Variants in ACOX2 observed in about 807,000 individuals in gnomAD.
The protein encoded by ACOX2 is acyl-CoA oxidase 2, also known as peroxisomal acyl-coenzyme A oxidase 2.
A neutral mutation model predicts 77.5 loss-of-function variants in ACOX2; 59 were observed. That is an observed-to-expected ratio of 0.76 (90% CI 0.62 to 0.95). The LOEUF is 0.95. Among genes scored for constraint, ACOX2 ranks in the 40% least tolerant of loss-of-function variants. The probability of loss-of-function intolerance (pLI) is 0.00; values close to 1 mark genes in which losing one functional copy is unlikely to be tolerated. For missense variants in ACOX2, 837 were observed against 880.4 expected, an observed-to-expected ratio of 0.95 and a Z score of 0.62; for synonymous variants, 317 against 340.1, an observed-to-expected ratio of 0.93 and a Z score of 0.75.
intron 12 of ACOX2, among the ~76,000 whole-genome samples, chr3:58,520,242 G>T (rs990894097): frequency 1.3e-5 from 2 of 152,236 alleles, no homozygotes; most frequent in Non-Finnish European, 2.9e-5. Context: ...AGAGACTGAG[G>T]CTCTGAAAGA....
At chr3:58,508,101 CAT>C (rs1314278403) in intron 14 of ACOX2, among the ~76,000 whole-genome samples, 1 of 152,202 alleles carries the variant, frequency 6.6e-6, no homozygotes, top group African/African-American at 2.4e-5. Context: ...ATTGGTTCCT[CAT>C]ATTCTAACTA....
chr3:58,509,070 A>G, intron 13 of ACOX2, 45 bp from the exon 14 acceptor site: 2 of 1,602,632 alleles, frequency 1.2e-6, no homozygotes, highest in Non-Finnish European at 1.7e-6. Flanking sequence ...GATTGCTCTT[A>G]TGAATCAAAC....
chr3:58,528,815 T>C lies in ACOX2; in HGVS notation c.1134A>G (p.Gln378=), dbSNP rs1178555225. Reference sequence around the variant, plus strand: ...GTACCTCAGGCAGGAAGCTGAAGTCTTGGTTCAGAATGGCAGTGTAGGAGT... The same window carrying C: ...GTACCTCAGGCAGGAAGCTGAAGTCCTGGTTCAGAATGGCAGTGTAGGAGT... The part of the protein sequence containing the change: ...FQHSYTAILN[Q]DFSFLPELHA... Residue 378 remains glutamine (Q), a synonymous_variant, in exon 9 of 15, where the codon CAA becomes CAG. Transcript: ENST00000302819. This position sits in a 1 kb window ranked among gnomAD's most constrained non-coding sequence, Gnocchi z 5.6. The C allele has an allele frequency of 6.2e-7, 1 of 1,610,840 alleles. No individual in the cohort carries two copies. The highest frequency in any genetic ancestry group is 1.1e-5 in the South Asian group (1 of 90,288).
At chr3:58,516,414 T>C (rs139903095) in intron 13 of ACOX2, among the ~76,000 whole-genome samples, 33 of 152,346 alleles carry the variant, frequency 2.2e-4, no homozygotes, top group African/African-American at 7.5e-4. Flanking sequence ...ACTGGGCAAC[T>C]CCCATCAGCC....
At chr3:58,517,022 T>C (rs914593593) in intron 13 of ACOX2, among the ~76,000 whole-genome samples, 184 bp downstream of exon 13, 15 of 152,214 alleles carry the variant, frequency 9.9e-5, no homozygotes, top group Non-Finnish European at 2.1e-4. Context: ...TCCCATTTTT[T>C]CCCATTTTTT....
Position 58,515,903 on chromosome 3 carries a change from G to A in ACOX2, c.1850+1303C>T, listed in dbSNP as rs150655615. ...ATCAATCCTCCTACCTCAGCCTCCC[G>A]AGTAGCTGAGACTACAGGTGTGTGC... On this transcript the variant is annotated intron_variant, in intron 13 of 14. Coordinates refer to ENST00000302819, the MANE Select transcript of ACOX2 (RefSeq NM_003500.4). The surrounding 1 kb of genome is among the most constrained non-coding windows in gnomAD (Gnocchi z 4.0). Among the ~76,000 whole-genome samples the A allele has an allele frequency of 1.9e-3, 285 of 151,462 alleles. 1 individual carries two copies. The highest frequency in any genetic ancestry group is 0.01 in the Middle Eastern group (3 of 290).
At chr3:58,517,921 A>C (rs2063333459) in intron 12 of ACOX2, among the ~76,000 whole-genome samples, 1 of 151,960 alleles carries the variant, frequency 6.6e-6, no homozygotes, top group Non-Finnish European at 1.5e-5. Flanking sequence ...CTAAAAATGC[A>C]AAAATTAGCC....
Position 58,528,757 on chromosome 3 carries a change from G to C in ACOX2, c.1155+37C>G. ...GAGTGGAACAATCTTAGCTCCCAGC[G>C]CCTGCCAGCGCCTGCCCCTCCGCAG... On this transcript the variant is annotated intron_variant, in intron 9 of 14. Coordinates refer to ENST00000302819, the MANE Select transcript of ACOX2 (RefSeq NM_003500.4). This position sits in a 1 kb window ranked among gnomAD's most constrained non-coding sequence, Gnocchi z 5.6. The C allele has an allele frequency of 6.4e-7, 1 of 1,570,434 alleles. No homozygotes were observed. Among genetic ancestry groups the C allele is most frequent in the Non-Finnish European group, 8.6e-7 (1 of 1,158,082 alleles).
intron 12 of ACOX2, among the ~76,000 whole-genome samples, chr3:58,518,444 G>T (rs2063337468): frequency 6.6e-6 from 1 of 152,168 alleles, no homozygotes; most frequent in Admixed American, 6.5e-5. Context: ...CTCAGCAGGA[G>T]GCCTTCAGGA....
intron 14 of ACOX2, among the ~76,000 whole-genome samples, chr3:58,508,297 G>A (rs1189880581): frequency 6.6e-6 from 1 of 152,116 alleles, no homozygotes; most frequent in Non-Finnish European, 1.5e-5. Flanking sequence ...GATGGCTGGG[G>A]ATTTTTTTGG....
chr3:58,506,087 A>T (rs1201894004), intron 14 of ACOX2, among the ~76,000 whole-genome samples: 5 of 152,160 alleles, frequency 3.3e-5, no homozygotes, highest in Admixed American at 6.5e-5. Flanking sequence ...CACTGCACTC[A>T]GTCTGGGTTT....
chr3:58,532,962 G>C (rs955765213), intron 5 of ACOX2, among the ~76,000 whole-genome samples: 2 of 152,182 alleles, frequency 1.3e-5, no homozygotes, highest in African/African-American at 4.8e-5. Flanking sequence ...GTACGGCGTT[G>C]GTGGCCTGAT....
chr3:58,531,704 G>A lies in ACOX2; in HGVS notation c.692C>T (p.Thr231Ile), dbSNP rs751976150. 18 of 1,614,106 alleles carry A rather than the reference G, an allele frequency of 1.1e-5. 1 individual carries two copies. The South Asian group carries it at 1.6e-4, about 15-fold the overall frequency. ...IVPIRSLQDH[T>I]PLPGIIIGDI... ...CATTATGGGCTTACCTGGCAGTGGG[G>A]TGTGGTCCTGAAGACTCCGGATTGG... is the stretch of plus-strand genomic sequence containing the variant. The change falls in exon 6 of 15, where the codon ACC becomes ATC. Residue 231 changes from threonine to isoleucine, a missense_variant. By Grantham distance (89) the Thr-to-Ile change is moderately conservative. Coordinates refer to ENST00000302819, the MANE Select transcript of ACOX2 (RefSeq NM_003500.4). This position sits in a 1 kb window ranked among gnomAD's most constrained non-coding sequence, Gnocchi z 5.8.
chr3:58,531,505 G>T lies in ACOX2; in HGVS notation c.704-139C>A. On this transcript the variant is annotated intron_variant, in intron 6 of 14. Transcript: ENST00000302819. The surrounding 1 kb of genome is among the most constrained non-coding windows in gnomAD (Gnocchi z 5.8). ...CTATTTTGCAGGTGAACAAGCTGAG[G>T]TCAGAAAGATGCTAAATCTTGCTCA... 1 of 1,231,852 alleles carries T rather than the reference G, an allele frequency of 8.1e-7. No homozygotes were observed. The highest frequency in any genetic ancestry group is 1.1e-6 in the Non-Finnish European group (1 of 881,648). 76.3% of individuals were successfully genotyped at this position (1,231,852 alleles called of 1,614,324 possible).
chr3:58,535,865 G>A lies in ACOX2; in HGVS notation c.-91-668C>T, dbSNP rs924856523. Among the ~76,000 whole-genome samples, 7 of 152,142 alleles carry A rather than the reference G, an allele frequency of 4.6e-5. No individual in the cohort carries two copies. The highest frequency in any genetic ancestry group is 1.7e-4 in the African/African-American group (7 of 41,428). On this transcript the variant is annotated intron_variant, in intron 1 of 14. Transcript: ENST00000302819. The surrounding 1 kb of genome is among the most constrained non-coding windows in gnomAD (Gnocchi z 4.8). ...TCCTCCACAGTGAGGCAACCATGAGGTGCAGTCCATCCTATTTCACAAGTC... is the reference window on the plus strand; with the variant it reads ...TCCTCCACAGTGAGGCAACCATGAGATGCAGTCCATCCTATTTCACAAGTC...
chr3:58,507,318 A>T (rs941218245), intron 14 of ACOX2, among the ~76,000 whole-genome samples: 2 of 152,242 alleles, frequency 1.3e-5, no homozygotes, highest in African/African-American at 2.4e-5. Flanking sequence ...GGAAGGAGAT[A>T]GAAGTGAATG....
At chr3:58,536,368 T>C (rs2063481278) in intron 1 of ACOX2, among the ~76,000 whole-genome samples, 1 of 152,218 alleles carries the variant, frequency 6.6e-6, no homozygotes, top group Non-Finnish European at 1.5e-5. Flanking sequence ...CCTTCCTTCC[T>C]GACCTCAACC....
In ACOX2 at chr3:58,526,634, A is replaced by G; in HGVS notation, c.1178T>C (p.Met393Thr). ...LPELHALSTG[M>T]KAMMSEFCTQ... The stretch of plus-strand genomic sequence containing the variant: ...GCAGAATTCTGACATCATGGCCTTC[A>G]TGCCCGTGCTCAGTGCGTGGAGCTG... The change falls in exon 10 of 15, where the codon ATG (methionine) becomes ACG (threonine). Residue 393 changes from methionine (M) to threonine (T), a missense_variant. Physicochemically the swap from Met to Thr is moderately conservative, Grantham distance 81. Transcript: ENST00000302819. This position sits in a 1 kb window ranked among gnomAD's most constrained non-coding sequence, Gnocchi z 4.3. The G allele has an allele frequency of 1.2e-6, 2 of 1,614,118 alleles. No individual in the cohort carries two copies. Among genetic ancestry groups the G allele is most frequent in the South Asian group, 1.1e-5 (1 of 91,072 alleles).
At chr3:58,510,664 ATATATATATATATATATATATATATATAT>A (rs2063275733) in intron 13 of ACOX2, among the ~76,000 whole-genome samples, 2 of 9,994 alleles carry the variant, frequency 2.0e-4, no homozygotes, top group Admixed American at 1.6e-3. Flanking sequence ...AAAAAAAAAA[ATATATATATATATATATATATATATATAT>A]ATATATATAT....
Sources: gnomAD v4.1 joint callset for allele counts (sites outside exome capture counted in the v4.1 genomes callset) on GRCh38, gnomAD v4.1.1 for gene constraint, Gnocchi (gnomAD v3.1) non-coding constraint, MANE v1.5 for transcripts, NCBI Gene and HGNC (gene_info 2026-07-23, HGNC 2026-07-21) for gene names.